FAH: variants seen among roughly 807,000 people sequenced by gnomAD.
The protein encoded by FAH is fumarylacetoacetate hydrolase, also known as fumarylacetoacetase.
A neutral mutation model predicts 55.8 loss-of-function variants in FAH; 47 were observed. The ratio of observed to expected loss-of-function variants is 0.84; its 90% CI spans 0.67 to 1.07. The LOEUF is 1.07. Among genes scored for constraint, FAH ranks in the 50% least tolerant of loss-of-function variants. FAH has a pLI of 0.00. For missense variants in FAH, 495 were observed against 545.9 expected, an observed-to-expected ratio of 0.91 and a Z score of 0.93; for synonymous variants, 199 against 207.7, an observed-to-expected ratio of 0.96 and a Z score of 0.36.
intron 7 of FAH, among the ~76,000 whole-genome samples, chr15:80,168,790 C>A (rs1459845689): frequency 1.3e-5 from 2 of 152,136 alleles, no homozygotes; most frequent in African/African-American, 2.4e-5. Flanking sequence ...TGCTAAAGTG[C>A]CGTCTAGTGT....
Position 80,153,074 on chromosome 15 carries a change from C to G in FAH, c.20C>G (p.Ala7Gly). ...TTCAGCATGTCCTTCATCCCGGTGG[C>G]CGAGGATTCCGACTTCCCCATCCAC... is the stretch of plus-strand genomic sequence containing the variant. MSFIPV[A>G]EDSDFPIHNL... The change falls in exon 1 of 14, where the codon GCC (alanine) becomes GGC (glycine). Residue 7 changes from alanine to glycine, a missense_variant. Coordinates refer to ENST00000561421, the MANE Select transcript of FAH (RefSeq NM_000137.4). 6.2e-7 allele frequency: 1 copy of G among 1,613,780 alleles called. No homozygotes were observed. Among genetic ancestry groups the G allele is most frequent in the South Asian group, 1.1e-5 (1 of 91,082 alleles).
chr15:80,159,551 G>A (rs993372349), intron 2 of FAH, among the ~76,000 whole-genome samples: 4 of 152,206 alleles, frequency 2.6e-5, no homozygotes, highest in Non-Finnish European at 4.4e-5. Context: ...GCAGGTGCAC[G>A]AGGGCCTGAG....
At chr15:80,181,019 T>C in intron 12 of FAH, 23 bp from the exon 13 acceptor site, 1 of 1,581,284 alleles carries the variant, frequency 6.3e-7, no homozygotes, top group Non-Finnish European at 8.7e-7. Flanking sequence ...ATGTTATTCT[T>C]TCTTCCCTTT....
Position 80,173,237 on chromosome 15 carries a change from A to T in FAH, c.837+93A>T. On this transcript the variant is annotated intron_variant, in intron 9 of 13. Coordinates refer to ENST00000561421, the MANE Select transcript of FAH (RefSeq NM_000137.4). ...AGTGGACATGCCAGGCATGCAGACCATCAGGAGGGAAGCTCTGTGCCCACG... is the reference window on the plus strand; with the variant it reads ...AGTGGACATGCCAGGCATGCAGACCTTCAGGAGGGAAGCTCTGTGCCCACG... 3 of 1,544,802 alleles carry T rather than the reference A, an allele frequency of 1.9e-6. No individual in the cohort carries two copies. In the South Asian group the frequency reaches 3.3e-5, roughly 17 times the overall value.
chr15:80,173,289 G>C (rs982734739), intron 9 of FAH, 145 bp downstream of exon 9: 3 of 1,069,718 alleles, frequency 2.8e-6, no homozygotes, highest in Non-Finnish European at 4.3e-6. Context: ...GTGCCTGGGA[G>C]TTCCTGGCCA....
At chr15:80,171,989 C>T (rs970903349) in intron 7 of FAH, among the ~76,000 whole-genome samples, 160 bp from the exon 8 acceptor site, 1 of 152,210 alleles carries the variant, frequency 6.6e-6, no homozygotes, top group Non-Finnish European at 1.5e-5. Context: ...AGGCGTCCAT[C>T]TGACCTCTGA....
At chr15:80,158,426 G>A (rs776400414) in intron 2 of FAH, among the ~76,000 whole-genome samples, 2 of 152,170 alleles carry the variant, frequency 1.3e-5, no homozygotes, top group African/African-American at 2.4e-5. Context: ...GTCCTGGGTC[G>A]TTCCTAGTTG....
At chr15:80,170,543 T>C (rs2041231713) in intron 7 of FAH, among the ~76,000 whole-genome samples, 1 of 152,166 alleles carries the variant, frequency 6.6e-6, no homozygotes, top group South Asian at 2.1e-4. Context: ...TTAGCAAGGG[T>C]ACTATGTGAG....
At chr15:80,175,660 G>A (rs1000392145) in intron 10 of FAH, among the ~76,000 whole-genome samples, 1 of 152,208 alleles carries the variant, frequency 6.6e-6, no homozygotes, top group Admixed American at 6.5e-5. Context: ...GCCCGCCTCC[G>A]CGAACAGGCC....
At chr15:80,183,641 A>G (rs1472476134) in intron 13 of FAH, among the ~76,000 whole-genome samples, 1 of 152,124 alleles carries the variant, frequency 6.6e-6, no homozygotes, top group Non-Finnish European at 1.5e-5. Flanking sequence ...CTCTTCACGG[A>G]TGCTCCTTCC....
At chr15:80,170,734 C>A (rs77031996) in intron 7 of FAH, among the ~76,000 whole-genome samples, 1 of 152,176 alleles carries the variant, frequency 6.6e-6, no homozygotes, top group South Asian at 2.1e-4. Flanking sequence ...GCAGAGAGCC[C>A]AGGTCACCTG....
chr15:80,161,166 C>T (rs34138675), intron 4 of FAH, among the ~76,000 whole-genome samples: 1 of 152,192 alleles, frequency 6.6e-6, no homozygotes, highest in East Asian at 1.9e-4. Context: ...ACTCCCCACT[C>T]TCATACACTC....
intron 4 of FAH, among the ~76,000 whole-genome samples, chr15:80,161,078 G>A (rs974522759): frequency 1.3e-5 from 2 of 152,124 alleles, no homozygotes; most frequent in African/African-American, 4.8e-5. Context: ...CTTTGCTGCT[G>A]GGCTGCTTGG....
At chr15:80,173,256 GC>G in intron 9 of FAH, 112 bp downstream of exon 9, 1 of 1,420,338 alleles carries the variant, frequency 7.0e-7, no homozygotes, top group Non-Finnish European at 9.9e-7. Context: ...GAAGCTCTGT[GC>G]CCACGGCATG....
intron 1 of FAH, among the ~76,000 whole-genome samples, chr15:80,154,226 C>T (rs145072902): frequency 6.6e-6 from 1 of 152,186 alleles, no homozygotes; most frequent in South Asian, 2.1e-4. Flanking sequence ...GCAGACAGAG[C>T]CCTCCCTCTG....
chr15:80,159,680 T>TGGCC (rs2041130617), intron 2 of FAH, 76 bp from the exon 3 acceptor site: 4 of 1,565,400 alleles, frequency 2.6e-6, no homozygotes, highest in Non-Finnish European at 3.5e-6. Flanking sequence ...GCAGGCTGGC[T>TGGCC]GGCCTTCCAT....
chr15:80,186,777 A>G (rs1028288254), downstream of FAH: 4 of 189,800 alleles, frequency 2.1e-5, no homozygotes, highest in South Asian at 1.1e-4. Context: ...GAAGGCCATC[A>G]ACTGATTAGA....
At chr15:80,176,311 C>T (rs962710327) in intron 10 of FAH, among the ~76,000 whole-genome samples, 13 of 152,306 alleles carry the variant, frequency 8.5e-5, no homozygotes, top group African/African-American at 2.4e-4. Context: ...CCACCATGCC[C>T]GGCCAGCTCC....
At chr15:80,159,980 T>G (rs2041135027) in intron 3 of FAH, 103 bp downstream of exon 3, 1 of 1,468,762 alleles carries the variant, frequency 6.8e-7, no homozygotes, top group African/African-American at 1.4e-5. Context: ...GCAGCCTTAG[T>G]GTGGCCAAGT....
Sources: gnomAD v4.1 joint callset for allele counts (sites outside exome capture counted in the v4.1 genomes callset) on GRCh38, gnomAD v4.1.1 for gene constraint, MANE v1.5 for transcripts, NCBI Gene and HGNC (gene_info 2026-07-23, HGNC 2026-07-21) for gene names.